Variants in KLF11 observed in about 807,000 individuals in gnomAD.
The protein encoded by KLF11 is Krueppel-like factor 11.
A neutral mutation model predicts 29.9 loss-of-function variants in KLF11; 26 were observed. That is an observed-to-expected ratio of 0.87 (90% CI 0.64 to 1.21). The LOEUF is 1.21. Ranked by LOEUF, KLF11 falls within the 50% of genes most tolerant of loss-of-function variation. The pLI is 0.00. For missense variants in KLF11, 778 were observed against 665.7 expected (o/e 1.17, Z -1.86); for synonymous variants, 318 against 257.4 (o/e 1.24, Z -2.25).
intron 1 of KLF11, chr2:10,044,221 G>C: frequency 8.1e-6 from 7 of 867,140 alleles, no homozygotes; most frequent in Non-Finnish European, 9.0e-6. Flanking sequence ...AGTGCCGCTC[G>C]GGCCTGGGGG....
chr2:10,053,134 A>T lies in KLF11; in HGVS notation c.*627A>T, dbSNP rs1237456667. 2.5e-6 allele frequency: 1 copy of T among 398,048 alleles called. No homozygotes were observed. Among genetic ancestry groups the T allele is most frequent in the Non-Finnish European group, 4.4e-6 (1 of 226,362 alleles). The allele number at this position is 398,048 out of a possible 1,614,324, so 24.7% of individuals were successfully genotyped here. A position where few individuals can be genotyped will look rare whatever the true frequency, so the allele number is the denominator to read the frequency against. ...CCGTCAGCTTCTTCATAACGTTTTCAAGGAAATTCTAGGCAATCATTCCTG... is the reference window on the plus strand; with the variant it reads ...CCGTCAGCTTCTTCATAACGTTTTCTAGGAAATTCTAGGCAATCATTCCTG... On this transcript the variant is annotated 3_prime_UTR_variant, in exon 4 of 4. Transcript: ENST00000305883.
At chr2:10,045,887 TTAG>T (rs1242936342) in intron 1 of KLF11, among the ~76,000 whole-genome samples, 8 of 152,256 alleles carry the variant, frequency 5.3e-5, no homozygotes, top group African/African-American at 1.7e-4. Flanking sequence ...AAATATGAAC[TTAG>T]TAGCCCTTTT....
Position 10,053,481 on chromosome 2 carries a change from C to T in KLF11, c.*974C>T. 2 of 398,626 alleles carry T rather than the reference C, an allele frequency of 5.0e-6. No homozygotes were observed. The highest frequency in any genetic ancestry group is 8.8e-6 in the Non-Finnish European group (2 of 226,058). 24.7% of individuals were successfully genotyped at this position (398,626 alleles called of 1,614,324 possible). On this transcript the variant is annotated 3_prime_UTR_variant, in exon 4 of 4. Coordinates refer to ENST00000305883, the MANE Select transcript of KLF11 (RefSeq NM_003597.5). ...AACTTCTCAGAAAAAAAGGAAATGTCTGTATTGGTTGGATGAAACTCCACC... is the reference window on the plus strand; with the variant it reads ...AACTTCTCAGAAAAAAAGGAAATGTTTGTATTGGTTGGATGAAACTCCACC...
At chr2:10,044,619 TG>T (rs1220033249) in intron 1 of KLF11, among the ~76,000 whole-genome samples, 1 of 150,704 alleles carries the variant, frequency 6.6e-6, no homozygotes, top group Middle Eastern at 3.2e-3. Flanking sequence ...AGAGGAAACG[TG>T]TATCTTCGTA....
At chr2:10,043,960 G>A in intron 1 of KLF11, 1 of 929,742 alleles carries the variant, frequency 1.1e-6, no homozygotes, top group Non-Finnish European at 1.3e-6. Flanking sequence ...CGGCGGGGGC[G>A]AGGAGGGGGC....
chr2:10,044,828 C>T (rs942563138), intron 1 of KLF11, among the ~76,000 whole-genome samples: 2 of 152,062 alleles, frequency 1.3e-5, no homozygotes, highest in African/African-American at 2.4e-5. Flanking sequence ...ATTCCAGCCT[C>T]TTCCCTCCTC....
Position 10,048,387 on chromosome 2 carries a change from G to A in KLF11, c.1050G>A (p.Pro350=), listed in dbSNP as rs145193520. 47 of 1,613,094 alleles carry A rather than the reference G, an allele frequency of 2.9e-5. No homozygotes were observed. Among genetic ancestry groups the A allele is most frequent in the Non-Finnish European group, 3.7e-5 (44 of 1,179,266 alleles). The part of the protein sequence containing the change: ...MLVLPQGALP[P]PAPCAANVMA... ...TCCTGCCCCAGGGAGCCCTCCCTCC[G>A]CCTGCCCCCTGTGCAGCCAATGTCA... is the stretch of plus-strand genomic sequence containing the variant. Residue 350 remains proline (P), a synonymous_variant, in exon 3 of 4, where the codon CCG becomes CCA. Coordinates refer to ENST00000305883, the MANE Select transcript of KLF11 (RefSeq NM_003597.5).
chr2:10,045,145 C>CA (rs1282343726), intron 1 of KLF11, among the ~76,000 whole-genome samples: 1 of 144,014 alleles, frequency 6.9e-6, no homozygotes, highest in South Asian at 2.3e-4. Flanking sequence ...GACTCTGTCT[C>CA]AAAAAAACAA....
rs752997077 is a variant in KLF11 at position 10,048,486 on chromosome 2, C to G, written c.1149C>G (p.Val383=). Residue 383 remains valine, a synonymous_variant, in exon 3 of 4, where the codon GTC becomes GTG. Transcript: ENST00000305883. ...PVFITSSQNC[V]PQVDFSRRRN... is the part of the protein sequence containing the mutation. Reference sequence around the variant, plus strand: ...TCATCACCTCTAGCCAAAACTGTGTCCCTCAGGTAGACTTTTCCCGAAGGA... The same window carrying G: ...TCATCACCTCTAGCCAAAACTGTGTGCCTCAGGTAGACTTTTCCCGAAGGA... 1.5e-5 allele frequency: 25 copies of G among 1,613,968 alleles called. No individual in the cohort carries two copies. In the East Asian group the frequency reaches 5.1e-4, roughly 33 times the overall value.
At chr2:10,052,160 A>T in intron 3 of KLF11, 67 bp from the exon 4 acceptor site, 2 of 1,461,586 alleles carry the variant, frequency 1.4e-6, no homozygotes, top group Admixed American at 1.7e-5. Context: ...AAATGACATG[A>T]ATTAACCCCT....
At chr2:10,048,618 C>T (rs1327314072) in intron 3 of KLF11, 23 bp downstream of exon 3, 1 of 1,545,258 alleles carries the variant, frequency 6.5e-7, no homozygotes. Context: ...GCAGGTGGGG[C>T]ATTGGGCACA....
At chr2:10,048,970 T>A (rs1035164104) in intron 3 of KLF11, among the ~76,000 whole-genome samples, 1 of 151,554 alleles carries the variant, frequency 6.6e-6, no homozygotes, top group African/African-American at 2.4e-5. Context: ...TAAATGTATC[T>A]TACCAGTGTG....
chr2:10,047,408 C>A (rs1180157453), intron 2 of KLF11, among the ~76,000 whole-genome samples: 1 of 152,152 alleles, frequency 6.6e-6, no homozygotes. Context: ...GGCCTGGCGG[C>A]CAGGAGCTCC....
In KLF11 at chr2:10,043,596, C is replaced by G. The variant is rs1442047169; in HGVS notation, c.-121C>G. ...CAGAGCCGCGCGGGCGGGCGAGGCG[C>G]GTGCCGGCCGCAGGAGCTCCGGGTT... is the stretch of plus-strand genomic sequence containing the variant. On this transcript the variant is annotated 5_prime_UTR_variant, in exon 1 of 4. Coordinates refer to ENST00000305883, the MANE Select transcript of KLF11 (RefSeq NM_003597.5). The G allele has an allele frequency of 3.4e-6, 2 of 589,960 alleles. No individual in the cohort carries two copies. Among genetic ancestry groups the G allele is most frequent in the Admixed American group, 6.5e-5 (1 of 15,290 alleles). The allele number at this position is 589,960 out of a possible 1,614,324, so 36.5% of individuals were successfully genotyped here. A position where few individuals can be genotyped will look rare whatever the true frequency, so the allele number is the denominator to read the frequency against.
chr2:10,045,052 AG>A (rs2125276066), intron 1 of KLF11, among the ~76,000 whole-genome samples: 1 of 152,262 alleles, frequency 6.6e-6, no homozygotes, highest in African/African-American at 2.4e-5. Context: ...AGGCTGAGGC[AG>A]GAGAGTCGCT....
chr2:10,045,068 C>T (rs938369862), intron 1 of KLF11, among the ~76,000 whole-genome samples: 3 of 152,012 alleles, frequency 2.0e-5, no homozygotes, highest in African/African-American at 7.3e-5. Context: ...GTCGCTTGAA[C>T]CTGGGAGGCA....
chr2:10,049,419 C>G (rs761473591), intron 3 of KLF11, among the ~76,000 whole-genome samples: 2 of 152,222 alleles, frequency 1.3e-5, no homozygotes, highest in African/African-American at 2.4e-5. Context: ...TTGCTCTGAT[C>G]GTGGTAGCCT....
At position 10,052,901 on chromosome 2, in the gene KLF11, G is replaced by A. The variant is rs1168464609; in HGVS notation, c.*394G>A. The A allele has an allele frequency of 3.1e-6, 1 of 321,230 alleles. No homozygotes were observed. Among genetic ancestry groups the A allele is most frequent in the Non-Finnish European group, 5.6e-6 (1 of 177,788 alleles). The allele number at this position is 321,230 out of a possible 1,614,324, so 19.9% of individuals were successfully genotyped here. A position where few individuals can be genotyped will look rare whatever the true frequency, so the allele number is the denominator to read the frequency against. ...TGGTTTTTAGAAAAATATTTATATT[G>A]TTGGTGCTCAAATCACCAATTTCTA... On this transcript the variant is annotated 3_prime_UTR_variant, in exon 4 of 4. Coordinates refer to ENST00000305883, the MANE Select transcript of KLF11 (RefSeq NM_003597.5).
chr2:10,050,379 C>T (rs989061169), intron 3 of KLF11, among the ~76,000 whole-genome samples: 1 of 144,100 alleles, frequency 6.9e-6, no homozygotes, highest in Non-Finnish European at 1.5e-5. Flanking sequence ...TACACTCCAA[C>T]CTGGGCGACA....
Sources: allele counts gnomAD v4.1 joint callset (sites outside exome capture counted in the v4.1 genomes callset), GRCh38; gene constraint gnomAD v4.1.1; transcripts MANE v1.5; gene names NCBI Gene and HGNC (gene_info 2026-07-23, HGNC 2026-07-21).